The following EDAR variants were observed in gnomAD, a reference collection of about 807,000 sequenced individuals.
EDAR encodes tumor necrosis factor receptor superfamily member EDAR.
EDAR carries 38 observed loss-of-function variants against 51.3 expected under a neutral mutation model. The ratio of observed to expected loss-of-function variants is 0.74; its 90% CI spans 0.57 to 0.97. EDAR has a LOEUF of 0.97. EDAR is among the 50% of genes least tolerant of loss of function. The pLI, the probability that EDAR is intolerant of heterozygous loss-of-function variation, is 0.00. For synonymous variants in EDAR, 227 were observed against 242.1 expected, an observed-to-expected ratio of 0.94 and a Z score of 0.58; for missense variants, 528 against 595.0, an observed-to-expected ratio of 0.89 and a Z score of 1.17.
chr2:108,943,245 T>C (rs1697643576), intron 1 of EDAR, among the ~76,000 whole-genome samples: 1 of 152,128 alleles, frequency 6.6e-6, no homozygotes, highest in Admixed American at 6.5e-5. Flanking sequence ...TCAGCAGAGG[T>C]ACCTAGCTAG....
intron 1 of EDAR, among the ~76,000 whole-genome samples, chr2:108,958,129 C>G (rs1347509105): frequency 6.6e-6 from 1 of 152,152 alleles, no homozygotes; most frequent in Non-Finnish European, 1.5e-5. Flanking sequence ...CACTTTCATC[C>G]TCCTCCAGGC....
intron 1 of EDAR, among the ~76,000 whole-genome samples, chr2:108,937,095 C>A (rs983722144): frequency 2.6e-5 from 4 of 152,240 alleles, no homozygotes; most frequent in African/African-American, 4.8e-5. Flanking sequence ...CTTCCCAAGG[C>A]TGGAGTGGAG....
intron 1 of EDAR, among the ~76,000 whole-genome samples, chr2:108,973,021 T>C (rs966579035): frequency 6.6e-6 from 1 of 152,154 alleles, no homozygotes; most frequent in African/African-American, 2.4e-5. Context: ...AGTTTCACTC[T>C]TGTCATCCAG....
intron 1 of EDAR, among the ~76,000 whole-genome samples, chr2:108,956,616 G>A (rs888318027): frequency 2.0e-5 from 3 of 152,160 alleles, no homozygotes; most frequent in Non-Finnish European, 2.9e-5. Flanking sequence ...TTCCCTCATA[G>A]ATGCTTGATT....
intron 10 of EDAR, among the ~76,000 whole-genome samples, chr2:108,907,555 G>A (rs1286528141): frequency 6.6e-6 from 1 of 151,956 alleles, no homozygotes; most frequent in East Asian, 1.9e-4. Flanking sequence ...GGCTGAGACA[G>A]GAGAATTGCT....
intron 5 of EDAR, among the ~76,000 whole-genome samples, chr2:108,918,046 G>T (rs1697059429): frequency 6.6e-6 from 1 of 152,120 alleles, no homozygotes; most frequent in Admixed American, 6.5e-5. Context: ...GCATCATGTT[G>T]AATGCACGTG....
chr2:108,982,790 A>G (rs137897816), intron 1 of EDAR, among the ~76,000 whole-genome samples: 1 of 152,256 alleles, frequency 6.6e-6, no homozygotes, highest in East Asian at 1.9e-4. Flanking sequence ...TGCTTTGGTT[A>G]CGTCTGCCCG....
At chr2:108,959,991 CA>C (rs1698007649) in intron 1 of EDAR, among the ~76,000 whole-genome samples, 1 of 152,224 alleles carries the variant, frequency 6.6e-6, no homozygotes, top group Non-Finnish European at 1.5e-5. Context: ...TGCTAGTCTG[CA>C]GCCACTCAGT....
intron 1 of EDAR, among the ~76,000 whole-genome samples, chr2:108,943,955 T>C (rs561541420): frequency 1.3e-5 from 2 of 152,338 alleles, no homozygotes; most frequent in African/African-American, 4.8e-5. Context: ...TGCTCACTCA[T>C]TTCTCAGAGG....
At chr2:108,910,884 C>T in intron 7 of EDAR, 34 bp from the exon 8 acceptor site, 1 of 1,614,084 alleles carries the variant, frequency 6.2e-7, no homozygotes, top group South Asian at 1.1e-5. Flanking sequence ...CAGCCAGGCT[C>T]TCCGACAGGG....
At chr2:108,928,338 C>A (rs1002167279) in intron 4 of EDAR, among the ~76,000 whole-genome samples, 4 of 152,204 alleles carry the variant, frequency 2.6e-5, no homozygotes, top group African/African-American at 9.7e-5. Flanking sequence ...GCTGACACTA[C>A]CTCCCCAGCC....
Position 108,989,145 on chromosome 2 carries a change from T to C in EDAR, c.-204A>G, listed in dbSNP as rs544280349. On this transcript the variant is annotated 5_prime_UTR_variant, in exon 1 of 12. Coordinates refer to ENST00000258443, the MANE Select transcript of EDAR (RefSeq NM_022336.4). Reference sequence around the variant, plus strand: ...GGGACCTGGCACACCTCTCTGACACTAGCCCCGCTTCCTTTCCGTTTAAAG... The same window carrying C: ...GGGACCTGGCACACCTCTCTGACACCAGCCCCGCTTCCTTTCCGTTTAAAG... 1 of 152,864 alleles carries C rather than the reference T, an allele frequency of 6.5e-6. No individual in the cohort carries two copies. Among genetic ancestry groups the C allele is most frequent in the East Asian group, 1.9e-4 (1 of 5,174 alleles). The allele number at this position is 152,864 out of a possible 1,614,324, so 9.5% of individuals were successfully genotyped here. A position where few individuals can be genotyped will look rare whatever the true frequency, so the allele number is the denominator to read the frequency against.
rs182138755 is a variant in EDAR, at chr2:108,895,239, G to A, written c.*1668C>T. On this transcript the variant is annotated 3_prime_UTR_variant, in exon 12 of 12. Transcript: ENST00000258443. ...TACATTCGTTGGTGGGAAATTGCTT[G>A]TTGGTGTTAAAGATATGACTGATTT... The A allele has an allele frequency of 6.5e-6, 1 of 152,700 alleles. No homozygotes were observed. Among genetic ancestry groups the A allele is most frequent in the African/African-American group, 2.4e-5 (1 of 41,558 alleles). The allele number at this position is 152,700 out of a possible 1,614,324, so 9.5% of individuals were successfully genotyped here.
chr2:108,971,446 G>A (rs4676046), intron 1 of EDAR, among the ~76,000 whole-genome samples: 1 of 151,842 alleles, frequency 6.6e-6, no homozygotes, highest in South Asian at 2.1e-4. Flanking sequence ...ACTCCAGAAG[G>A]AGGACTCTCA....
rs880921 is a variant in EDAR, at chr2:108,906,162, G to C, written c.1024+146C>G. The stretch of plus-strand genomic sequence containing the variant: ...ATTCTGTTTCCCCACACCTGAAATA[G>C]TTTCCAGCGGCCATTCTGACCAAAG... On this transcript the variant is annotated intron_variant, in intron 11 of 11. Coordinates refer to ENST00000258443, the MANE Select transcript of EDAR (RefSeq NM_022336.4). The C allele has an allele frequency of 5.7e-3, 4,425 of 780,168 alleles. 142 individuals carry two copies. In the African/African-American group the frequency reaches 0.07, roughly 12 times the overall value. 48.3% of individuals were successfully genotyped at this position (780,168 alleles called of 1,614,324 possible). A position where few individuals can be genotyped will look rare whatever the true frequency, so the allele number is the denominator to read the frequency against.
chr2:108,906,038 G>A (rs779953176), intron 11 of EDAR, among the ~76,000 whole-genome samples: 15 of 152,152 alleles, frequency 9.9e-5, no homozygotes, highest in South Asian at 2.1e-4. Flanking sequence ...CCGACCCTGC[G>A]TTTCCCTACA....
chr2:108,947,646 C>T (rs949492156), intron 1 of EDAR, among the ~76,000 whole-genome samples: 1 of 152,246 alleles, frequency 6.6e-6, no homozygotes, highest in Non-Finnish European at 1.5e-5. Flanking sequence ...CCCTCTGAAG[C>T]AATGGCCTGA....
At chr2:108,934,207 T>A (rs371078166) in intron 1 of EDAR, among the ~76,000 whole-genome samples, 2 of 152,174 alleles carry the variant, frequency 1.3e-5, no homozygotes, top group East Asian at 1.9e-4. Context: ...TGTGTTTCAT[T>A]ATTGTTACCA....
rs950188624 is a variant in EDAR at position 108,962,646 on chromosome 2, G to A, written c.-19+26314C>T. Among the ~76,000 whole-genome samples, 3 of 129,508 alleles carry A rather than the reference G, an allele frequency of 2.3e-5. No individual in the cohort carries two copies. The East Asian group carries it at 6.8e-4, about 29-fold the overall frequency. The allele number at this position is 129,508 out of a possible 152,430, so 85.0% of individuals were successfully genotyped here. A position where few individuals can be genotyped will look rare whatever the true frequency, so the allele number is the denominator to read the frequency against. ...GCCGAGATCGCTCCACTGCCCTCCA[G>A]CCTGGGCGACAGAGCGAGACTCTGT... is the stretch of plus-strand genomic sequence containing the variant. On this transcript the variant is annotated intron_variant, in intron 1 of 11. Transcript: ENST00000258443.
Sources: gnomAD v4.1 joint callset for allele counts (sites outside exome capture counted in the v4.1 genomes callset) on GRCh38, gnomAD v4.1.1 for gene constraint, MANE v1.5 for transcripts, NCBI Gene and HGNC (gene_info 2026-07-23, HGNC 2026-07-21) for gene names.